SYNPR: variants seen among roughly 807,000 people sequenced by gnomAD.
SYNPR encodes synaptoporin.
In SYNPR, 23 loss-of-function variants were observed where a neutral mutation model predicts 32.9. The ratio of observed to expected loss-of-function variants is 0.70; its 90% confidence interval spans 0.50 to 0.99. The LOEUF is 0.99. SYNPR is among the 50% of genes least tolerant of loss of function. The pLI is 0.00. For missense variants in SYNPR, 318 were observed against 349.3 expected (o/e 0.91, Z 0.71); for synonymous variants, 146 against 135.9 (o/e 1.07, Z -0.52).
chr3:63,239,453 A>C, intron 1 of SYNPR, among the ~76,000 whole-genome samples: 1 of 148,510 alleles, frequency 6.7e-6, no homozygotes, highest in Non-Finnish European at 1.5e-5. Context: ...ACACCTTACC[A>C]TGAGTGCATG....
rs145184159 is a variant in SYNPR, at chr3:63,297,979, G to A, written c.84+19237G>A. On this transcript the variant is annotated intron_variant, in intron 2 of 5. Coordinates refer to ENST00000478300, the MANE Select transcript of SYNPR (RefSeq NM_001130003.2). ...ATGGCAGGAAAGTTACAGACCTTGCGACCTCTGGCCGTATGACTCCCAAGC... is the reference window on the plus strand; with the variant it reads ...ATGGCAGGAAAGTTACAGACCTTGCAACCTCTGGCCGTATGACTCCCAAGC... Among the ~76,000 whole-genome samples the A allele has an allele frequency of 1.1e-4, 17 of 152,212 alleles. No homozygotes were observed. In the East Asian group the frequency reaches 3.3e-3, roughly 30 times the overall value.
intron 2 of SYNPR, among the ~76,000 whole-genome samples, chr3:63,384,868 G>A (rs2088020815): frequency 1.3e-5 from 2 of 152,150 alleles, no homozygotes; most frequent in African/African-American, 4.8e-5. Flanking sequence ...CATAGCCATG[G>A]TGTTGAGGCT....
At chr3:63,492,757 C>T (rs1414695646) in intron 3 of SYNPR, among the ~76,000 whole-genome samples, 1 of 152,102 alleles carries the variant, frequency 6.6e-6, no homozygotes, top group Non-Finnish European at 1.5e-5. Flanking sequence ...TGGGAAGAAC[C>T]TCATTACCAG....
rs745772316 is a variant in SYNPR, at chr3:63,615,348, A to G, written c.725A>G (p.Tyr242Cys). 3 of 1,613,938 alleles carry G rather than the reference A, an allele frequency of 1.9e-6. No homozygotes were observed. Among genetic ancestry groups the G allele is most frequent in the Middle Eastern group, 3.3e-4 (2 of 6,062 alleles). The change falls in exon 6 of 6, where the codon TAT becomes TGT. Residue 242 changes from tyrosine to cysteine, a missense_variant. Transcript: ENST00000478300. ...SDPMEKHSSS[Y>C]NQGGYNQDSY... ...CCAATGGAGAAGCACTCCAGCAGCT[A>G]TAATCAAGGTGGTTACAACCAAGAC...
At chr3:63,475,028 G>A (rs926709731) in intron 2 of SYNPR, among the ~76,000 whole-genome samples, 1 of 152,162 alleles carries the variant, frequency 6.6e-6, no homozygotes, top group Non-Finnish European at 1.5e-5. Flanking sequence ...CACAAGGATT[G>A]AGCTGCTTGC....
At chr3:63,241,929 T>G (rs1005570853) in intron 1 of SYNPR, among the ~76,000 whole-genome samples, 1 of 152,070 alleles carries the variant, frequency 6.6e-6, no homozygotes, top group Non-Finnish European at 1.5e-5. Flanking sequence ...AGCTAAAAGT[T>G]ATATTATTTT....
intron 4 of SYNPR, among the ~76,000 whole-genome samples, chr3:63,598,968 T>C (rs188257006): frequency 2.4e-4 from 37 of 152,314 alleles, no homozygotes; most frequent in African/African-American, 7.9e-4. Flanking sequence ...TGTGAGCCAT[T>C]TACTTCTCCT....
At chr3:63,408,114 C>T (rs2088385923) in intron 2 of SYNPR, among the ~76,000 whole-genome samples, 1 of 124,224 alleles carries the variant, frequency 8.0e-6, no homozygotes, top group Admixed American at 8.9e-5. Context: ...TCAGGATTCT[C>T]CAGATAAACA....
chr3:63,470,784 A>G (rs1007434930), intron 2 of SYNPR, among the ~76,000 whole-genome samples: 1 of 152,194 alleles, frequency 6.6e-6, no homozygotes, highest in African/African-American at 2.4e-5. Flanking sequence ...GTGTTCAGGA[A>G]CACAGCAGCC....
chr3:63,232,192 C>CTT lies in SYNPR; in HGVS notation n.66+3838_66+3839dup, dbSNP rs57078088. 1.0e-3 allele frequency among the ~76,000 whole-genome samples: 61 copies of CTT among 59,538 alleles called. 6 individuals carry two copies. The highest frequency in any genetic ancestry group is 1.6e-3 in the African/African-American group (26 of 16,310). 39.1% of individuals were successfully genotyped at this position (59,538 alleles called of 152,430 possible). On this transcript the variant is annotated intron_variant and non_coding_transcript_variant, in intron 1 of 4. Transcript: ENST00000478456. The stretch of plus-strand genomic sequence containing the variant: ...CTCAAGTGAGTATTTCAGATTCTGA[C>CTT]TTTTTTTTTTTTTTTTTTTTTTTTT...
At chr3:63,296,168 G>C (rs975017519) in intron 2 of SYNPR, among the ~76,000 whole-genome samples, 1 of 152,170 alleles carries the variant, frequency 6.6e-6, no homozygotes, top group African/African-American at 2.4e-5. Flanking sequence ...CTTCCACCCT[G>C]GCCAGCTGTT....
At position 63,278,716 on chromosome 3, in the gene SYNPR, C is replaced by T. The variant is rs201880233; in HGVS notation, c.58C>T (p.Leu20Phe). 3.3e-3 allele frequency: 5,060 copies of T among 1,551,658 alleles called. 15 individuals carry two copies. The highest frequency in any genetic ancestry group is 3.9e-3 in the Non-Finnish European group (4,439 of 1,146,974). ...AGTFRVLKEP[L>F]AFLRALELLF... ...CACCTTCCGGGTGCTGAAGGAGCCC[C>T]TTGCCTTCCTGCGAGCCCTGGAATT... is the stretch of plus-strand genomic sequence containing the variant. The change falls in exon 2 of 6, where the codon CTT becomes TTT. Residue 20 changes from leucine (L) to phenylalanine (F), a missense_variant. Leu to Phe is a conservative substitution (Grantham distance 22). Coordinates refer to ENST00000478300, the MANE Select transcript of SYNPR (RefSeq NM_001130003.2).
At chr3:63,216,975 G>A in the SYNPR span, among the ~76,000 whole-genome samples, 2 of 21,122 alleles carry the variant, frequency 9.5e-5, no homozygotes, top group Non-Finnish European at 2.2e-4. Flanking sequence ...GCCGTGTGAG[G>A]TGTCAGTGTG....
Position 63,601,273 on chromosome 3 carries a change from C to CAA in SYNPR, c.409-7840_409-7839dup, listed in dbSNP as rs11463845. On this transcript the variant is annotated intron_variant, in intron 4 of 5. Transcript: ENST00000478300. Reference sequence around the variant, plus strand: ...GGGCAACAAGAGCAAAACGCCATCTCAAAAAAAAAAAAAGAAAAGAAAACC... The same window carrying CAA: ...GGGCAACAAGAGCAAAACGCCATCTCAAAAAAAAAAAAAAAGAAAAGAAAACC... Among the ~76,000 whole-genome samples the CAA allele has an allele frequency of 2.0e-3, 276 of 138,172 alleles. 1 individual carries two copies. The highest frequency in any genetic ancestry group is 6.4e-3 in the East Asian group (31 of 4,828). 90.6% of individuals were successfully genotyped at this position (138,172 alleles called of 152,430 possible). A position where few individuals can be genotyped will look rare whatever the true frequency, so the allele number is the denominator to read the frequency against.
rs534261869 is a variant in SYNPR at position 63,565,143 on chromosome 3, G to A, written c.408+8402G>A. Among the ~76,000 whole-genome samples, 84 of 152,162 alleles carry A rather than the reference G, an allele frequency of 5.5e-4. 1 individual carries two copies. The Middle Eastern group carries it at 0.01, about 18-fold the overall frequency. ...TGAAATGTTTCTACTCCATAGCCTG[G>A]CATACCCAGAGAAAACTTGGCTTCC... On this transcript the variant is annotated intron_variant, in intron 4 of 5. Coordinates refer to ENST00000478300, the MANE Select transcript of SYNPR (RefSeq NM_001130003.2).
chr3:63,441,412 T>A (rs1700170068), intron 2 of SYNPR, among the ~76,000 whole-genome samples: 1 of 152,196 alleles, frequency 6.6e-6, no homozygotes, highest in Non-Finnish European at 1.5e-5. Context: ...TACAGGTGCA[T>A]TGCTGGAAAC....
At chr3:63,596,758 C>G (rs1699966776) in intron 4 of SYNPR, among the ~76,000 whole-genome samples, 1 of 152,050 alleles carries the variant, frequency 6.6e-6, no homozygotes, top group Non-Finnish European at 1.5e-5. Flanking sequence ...GACCAAACTA[C>G]CAAAAGAAAG....
At chr3:63,262,112 A>G (rs1402496850) in intron 2 of SYNPR, among the ~76,000 whole-genome samples, 1 of 151,798 alleles carries the variant, frequency 6.6e-6, no homozygotes, top group Non-Finnish European at 1.5e-5. Context: ...AAGGACAAAA[A>G]AAAAACCATT....
intron 4 of SYNPR, among the ~76,000 whole-genome samples, chr3:63,582,664 G>C (rs1027302019): frequency 6.6e-5 from 10 of 152,150 alleles, no homozygotes; most frequent in African/African-American, 2.4e-4. Context: ...AGGAATAGGT[G>C]CTACAGGATT....
Sources: allele counts gnomAD v4.1 joint callset (sites outside exome capture counted in the v4.1 genomes callset), GRCh38; gene constraint gnomAD v4.1.1; transcripts MANE v1.5; gene names NCBI Gene and HGNC (gene_info 2026-07-23, HGNC 2026-07-21).